The following ADAM12 variants were observed in gnomAD, a reference collection of about 807,000 sequenced individuals.
ADAM12 encodes disintegrin and metalloproteinase domain-containing protein 12.
In ADAM12, 70 loss-of-function variants were observed where a neutral mutation model predicts 106.4. The ratio of observed to expected loss-of-function variants is 0.66; its 90% CI spans 0.54 to 0.80. The LOEUF is 0.80. Ranked by LOEUF, ADAM12 falls within the 30% of genes least tolerant of loss-of-function variation. The probability of loss-of-function intolerance (pLI) is 0.00; values close to 1 mark genes in which losing one functional copy is unlikely to be tolerated. For missense variants in ADAM12, 1,010 were observed against 1,171.9 expected, an observed-to-expected ratio of 0.86 and a Z score of 2.02; for synonymous variants, 420 against 433.5, an observed-to-expected ratio of 0.97 and a Z score of 0.39.
intron 18 of ADAM12, among the ~76,000 whole-genome samples, chr10:126,040,919 C>T (rs1954151479): frequency 6.6e-6 from 1 of 152,138 alleles, no homozygotes; most frequent in Non-Finnish European, 1.5e-5. Context: ...AGCACGAGCA[C>T]CGTGTCCTGT....
chr10:126,136,974 T>A (rs527669035), intron 4 of ADAM12, among the ~76,000 whole-genome samples: 124 of 152,332 alleles, frequency 8.1e-4, no homozygotes, highest in African/African-American at 2.8e-3. Flanking sequence ...TCTAAATGCA[T>A]TTGTCGCTCT....
intron 3 of ADAM12, among the ~76,000 whole-genome samples, chr10:126,246,752 T>C (rs111409327): frequency 0.072 from 11,006 of 152,200 alleles, 508 homozygotes; most frequent in East Asian, 0.13. Context: ...ATAAGAGCCA[T>C]CTATGACAAA....
At chr10:126,183,200 G>A (rs1164381507) in intron 3 of ADAM12, among the ~76,000 whole-genome samples, 2 of 152,114 alleles carry the variant, frequency 1.3e-5, no homozygotes, top group Non-Finnish European at 2.9e-5. Context: ...CAGGGCTCCC[G>A]CTGATTCTAC....
At chr10:126,304,103 C>A (rs913133500) in intron 2 of ADAM12, among the ~76,000 whole-genome samples, 1 of 152,094 alleles carries the variant, frequency 6.6e-6, no homozygotes, top group African/African-American at 2.4e-5. Flanking sequence ...GACACTCAAT[C>A]ATTTTTCTCT....
At chr10:126,203,196 A>G (rs1322347784) in intron 3 of ADAM12, among the ~76,000 whole-genome samples, 1 of 152,232 alleles carries the variant, frequency 6.6e-6, no homozygotes, top group Non-Finnish European at 1.5e-5. Context: ...ATAACTAATC[A>G]GAGTGTACAT....
intron 11 of ADAM12, among the ~76,000 whole-genome samples, chr10:126,078,967 G>C (rs1258831981): frequency 6.6e-6 from 1 of 152,128 alleles, no homozygotes; most frequent in Non-Finnish European, 1.5e-5. Context: ...TTAAACACAG[G>C]AGACAAATCC....
intron 3 of ADAM12, among the ~76,000 whole-genome samples, chr10:126,254,941 G>A (rs1007569210): frequency 6.6e-6 from 1 of 152,170 alleles, no homozygotes; most frequent in Non-Finnish European, 1.5e-5. Context: ...CCTGACATCA[G>A]TCCCCCTTTA....
chr10:126,293,280 C>T (rs1960234295), intron 2 of ADAM12, among the ~76,000 whole-genome samples: 2 of 152,198 alleles, frequency 1.3e-5, no homozygotes, highest in Admixed American at 6.5e-5. Flanking sequence ...TCAATGGTAA[C>T]AGTTGGCTAA....
At chr10:126,154,546 T>TA (rs1311159729) in intron 4 of ADAM12, among the ~76,000 whole-genome samples, 1 of 152,186 alleles carries the variant, frequency 6.6e-6, no homozygotes, top group Non-Finnish European at 1.5e-5. Context: ...TCATCCTTTT[T>TA]AAAATACCCA....
chr10:126,358,185 A>AAG (rs1389406286), intron 1 of ADAM12, among the ~76,000 whole-genome samples: 12 of 151,868 alleles, frequency 7.9e-5, no homozygotes, highest in Admixed American at 6.6e-4. Flanking sequence ...TCAAAAAAAA[A>AAG]AAAAAAGTAA....
intron 1 of ADAM12, among the ~76,000 whole-genome samples, chr10:126,374,137 G>A (rs2133924355): frequency 6.6e-6 from 1 of 152,200 alleles, no homozygotes; most frequent in African/African-American, 2.4e-5. Context: ...TGGGTATGGA[G>A]ACCAAAATTA....
At chr10:126,029,669 TAACA>T (rs1953940476) in intron 21 of ADAM12, among the ~76,000 whole-genome samples, 2 of 152,246 alleles carry the variant, frequency 1.3e-5, no homozygotes, top group African/African-American at 4.8e-5. Flanking sequence ...TTTACCGATG[TAACA>T]AACCTGCACA....
At chr10:126,086,680 A>AATATATATATATATATAT (rs1210379675) in intron 11 of ADAM12, among the ~76,000 whole-genome samples, 56 of 24,162 alleles carry the variant, frequency 2.3e-3, no homozygotes, top group East Asian at 8.2e-3. Context: ...AAAAAAAAAA[A>AATATATATATATATATAT]ATATATATAT....
intron 2 of ADAM12, among the ~76,000 whole-genome samples, chr10:126,323,282 C>T (rs1040121683): frequency 1.3e-5 from 2 of 152,114 alleles, no homozygotes; most frequent in East Asian, 1.9e-4. Flanking sequence ...TGCAATTACT[C>T]GAATAATCCC....
rs560209133 is a variant in ADAM12 at position 126,268,500 on chromosome 10, G to C, written c.260+10415C>G. Among the ~76,000 whole-genome samples the C allele has an allele frequency of 2.0e-5, 3 of 152,306 alleles. No homozygotes were observed. The East Asian group carries it at 5.8e-4, about 29-fold the overall frequency. Reference sequence around the variant, plus strand: ...GCTTTGTAATGATGATGCTACCTATGATGAGGAATAAAGATATGCCACATA... The same window carrying C: ...GCTTTGTAATGATGATGCTACCTATCATGAGGAATAAAGATATGCCACATA... On this transcript the variant is annotated intron_variant, in intron 3 of 22. Transcript: ENST00000448723.
intron 3 of ADAM12, among the ~76,000 whole-genome samples, chr10:126,201,672 G>C (rs1479703468): frequency 6.6e-6 from 1 of 152,146 alleles, no homozygotes; most frequent in African/African-American, 2.4e-5. Flanking sequence ...ACATGATGTA[G>C]TCACCAGATG....
intron 4 of ADAM12, among the ~76,000 whole-genome samples, chr10:126,142,737 G>A (rs1956536258): frequency 6.6e-6 from 1 of 152,230 alleles, no homozygotes; most frequent in Admixed American, 6.5e-5. Context: ...CCTCATTACA[G>A]TGTCACTCAT....
chr10:126,113,731 T>TATATATAA lies in ADAM12; in HGVS notation c.604-3892_604-3891insTTATATAT, dbSNP rs1176475501. Among the ~76,000 whole-genome samples, 38 of 25,936 alleles carry TATATATAA rather than the reference T, an allele frequency of 1.5e-3. 1 individual carries two copies. Among genetic ancestry groups the TATATATAA allele is most frequent in the African/African-American group, 5.9e-3 (36 of 6,136 alleles). The allele number at this position is 25,936 out of a possible 152,430, so 17.0% of individuals were successfully genotyped here. On this transcript the variant is annotated intron_variant, in intron 6 of 22. Coordinates refer to ENST00000448723, the MANE Select transcript of ADAM12 (RefSeq NM_001288973.2). ...ATATATATATATATATATATATATA[T>TATATATAA]AATATATTGCTCTGGCTACTGGAAG...
At chr10:126,269,619 A>G (rs1959166016) in intron 3 of ADAM12, among the ~76,000 whole-genome samples, 1 of 152,166 alleles carries the variant, frequency 6.6e-6, no homozygotes, top group Non-Finnish European at 1.5e-5. Context: ...CCACTGCTAG[A>G]GACCTCCTGG....
Sources: gnomAD v4.1 joint callset for allele counts (sites outside exome capture counted in the v4.1 genomes callset) on GRCh38, gnomAD v4.1.1 for gene constraint, MANE v1.5 for transcripts, NCBI Gene and HGNC (gene_info 2026-07-23, HGNC 2026-07-21) for gene names.